Variants in PIGU observed in about 807,000 individuals in gnomAD.
The protein encoded by PIGU is GPI-anchor transamidase component PIGU.
PIGU carries 24 observed loss-of-function variants against 49.9 expected under a neutral mutation model. The ratio of observed to expected loss-of-function variants is 0.48; its 90% CI spans 0.35 to 0.68. PIGU has a LOEUF of 0.68. Among genes scored for constraint, PIGU ranks in the 30% least tolerant of loss-of-function variants. The probability of loss-of-function intolerance (pLI) is 0.01; values close to 1 mark genes in which losing one functional copy is unlikely to be tolerated. For synonymous variants in PIGU, 220 were observed against 205.7 expected (o/e 1.07, Z -0.59); for missense variants, 490 against 532.6 (o/e 0.92, Z 0.79).
At chr20:34,659,769 C>G (rs1986872431) in intron 1 of PIGU, among the ~76,000 whole-genome samples, 1 of 152,178 alleles carries the variant, frequency 6.6e-6, no homozygotes, top group African/African-American at 2.4e-5. Context: ...CCCATGCTCT[C>G]TGAAACATGT....
In PIGU at chr20:34,657,270, C is replaced by T. The variant is rs777634029; in HGVS notation, c.131-26G>A. 2.5e-6 allele frequency: 4 copies of T among 1,586,500 alleles called. No individual in the cohort carries two copies. The Admixed American group carries it at 6.7e-5, about 27-fold the overall frequency. On this transcript the variant is annotated intron_variant, in intron 1 of 11. Coordinates refer to ENST00000217446, the MANE Select transcript of PIGU (RefSeq NM_080476.5). ...CTGAAAAATTAGATATACAAGTTCA[C>T]TCAGACTAAGCAGGCAGCTACAGAC...
At position 34,560,878 on chromosome 20, in the gene PIGU, G is replaced by A. The variant is rs368860915; in HGVS notation, c.1296C>T (p.Leu432=). The part of the protein sequence containing the change: ...LTAKDGTEAM[L]VLK ...GTGCCAGCCAGGCCTACTTGAGCAC[G>A]AGCATGGCCTCTGTGCCATCCTTGG... Residue 432 remains leucine, a synonymous_variant, in exon 12 of 12, where the codon CTC becomes CTT. Coordinates refer to ENST00000217446, the MANE Select transcript of PIGU (RefSeq NM_080476.5). The A allele has an allele frequency of 1.2e-5, 19 of 1,606,868 alleles. No individual in the cohort carries two copies. Among genetic ancestry groups the A allele is most frequent in the Middle Eastern group, 1.7e-4 (1 of 6,038 alleles).
At chr20:34,576,216 A>T (rs1417614058) in intron 10 of PIGU, among the ~76,000 whole-genome samples, 1 of 152,158 alleles carries the variant, frequency 6.6e-6, no homozygotes, top group Non-Finnish European at 1.5e-5. Context: ...CTCTAAAAAA[A>T]TTTTAAAATT....
chr20:34,589,647 G>A (rs937244083), intron 7 of PIGU, among the ~76,000 whole-genome samples: 1 of 127,540 alleles, frequency 7.8e-6, no homozygotes, highest in Non-Finnish European at 1.6e-5. Context: ...CACTGCACCT[G>A]GCTTTTTTTT....
chr20:34,599,108 G>A (rs1984310142), intron 7 of PIGU, among the ~76,000 whole-genome samples: 1 of 152,056 alleles, frequency 6.6e-6, no homozygotes, highest in Admixed American at 6.6e-5. Context: ...TTTCACTAAT[G>A]AGCGCCTACT....
At chr20:34,569,608 G>A (rs1982921945) in intron 11 of PIGU, among the ~76,000 whole-genome samples, 1 of 152,158 alleles carries the variant, frequency 6.6e-6, no homozygotes. Context: ...GCAGGAGTGG[G>A]GCTCTCAGGC....
chr20:34,581,730 G>A (rs1381997433), intron 9 of PIGU, 58 bp from the exon 10 acceptor site: 21 of 1,581,294 alleles, frequency 1.3e-5, no homozygotes, highest in Non-Finnish European at 1.8e-5. Context: ...GCCTACCCTA[G>A]AGACTCCTGA....
Position 34,600,073 on chromosome 20 carries a change from A to T in PIGU, c.628-11466T>A, listed in dbSNP as rs566412809. On this transcript the variant is annotated intron_variant, in intron 7 of 11. Coordinates refer to ENST00000217446, the MANE Select transcript of PIGU (RefSeq NM_080476.5). ...GTTCTACTGATACCGCTGATCTAGA[A>T]GAATAAAGTTTCAAGAGAATGATAA... Among the ~76,000 whole-genome samples the T allele has an allele frequency of 3.3e-5, 5 of 152,316 alleles. No individual in the cohort carries two copies. The South Asian group carries it at 1.0e-3, about 32-fold the overall frequency.
At chr20:34,598,812 C>T (rs1296532058) in intron 7 of PIGU, among the ~76,000 whole-genome samples, 2 of 152,216 alleles carry the variant, frequency 1.3e-5, no homozygotes, top group Admixed American at 6.5e-5. Context: ...GAAGAAGTTA[C>T]AGGCCCTGCT....
intron 7 of PIGU, among the ~76,000 whole-genome samples, chr20:34,608,618 G>A (rs1225076471): frequency 6.6e-6 from 1 of 151,386 alleles, no homozygotes; most frequent in African/African-American, 2.4e-5. Flanking sequence ...GCCTACAGAG[G>A]GCTTGAAAAA....
At chr20:34,628,423 A>C (rs935227850) in intron 6 of PIGU, among the ~76,000 whole-genome samples, 1 of 152,236 alleles carries the variant, frequency 6.6e-6, no homozygotes. Context: ...TATGAGTGCA[A>C]AAATTGCTGT....
chr20:34,661,185 T>C (rs1351330457), intron 1 of PIGU, among the ~76,000 whole-genome samples: 2 of 152,164 alleles, frequency 1.3e-5, no homozygotes, highest in African/African-American at 4.8e-5. Flanking sequence ...ATTTTAGCAA[T>C]TTCTCTTGGC....
chr20:34,645,394 C>A, intron 2 of PIGU, 60 bp from the exon 3 acceptor site: 1 of 1,494,932 alleles, frequency 6.7e-7, no homozygotes, highest in South Asian at 1.4e-5. Flanking sequence ...TTATCAGTTT[C>A]CAGAGTAGAG....
intron 4 of PIGU, among the ~76,000 whole-genome samples, chr20:34,641,039 G>A (rs191517913): frequency 6.8e-4 from 104 of 152,132 alleles, no homozygotes; most frequent in South Asian, 6.2e-3. Flanking sequence ...GATTACAGGC[G>A]CCCACCACCG....
intron 7 of PIGU, among the ~76,000 whole-genome samples, chr20:34,598,273 C>A (rs1036633316): frequency 1.3e-5 from 2 of 152,006 alleles, no homozygotes; most frequent in Admixed American, 6.6e-5. Flanking sequence ...GGGTATGGGA[C>A]CTGAGGTGGG....
chr20:34,566,104 A>G (rs895249769), intron 11 of PIGU, among the ~76,000 whole-genome samples: 5 of 152,264 alleles, frequency 3.3e-5, no homozygotes, highest in South Asian at 2.1e-4. Context: ...ACACACACAT[A>G]CACGCACGCT....
chr20:34,625,650 C>T (rs925944702), intron 6 of PIGU, among the ~76,000 whole-genome samples: 4 of 148,122 alleles, frequency 2.7e-5, no homozygotes, highest in Non-Finnish European at 4.5e-5. Context: ...TACAAAAAAC[C>T]TTTAAAATTC....
At chr20:34,674,653 G>A (rs905379039) in intron 1 of PIGU, among the ~76,000 whole-genome samples, 1 of 152,120 alleles carries the variant, frequency 6.6e-6, no homozygotes, top group African/African-American at 2.4e-5. Context: ...AAGGCCAGGT[G>A]TGGTAGCTTA....
intron 7 of PIGU, among the ~76,000 whole-genome samples, chr20:34,596,622 T>TA (rs576181977): frequency 6.6e-6 from 1 of 152,026 alleles, no homozygotes; most frequent in Non-Finnish European, 1.5e-5. Flanking sequence ...CATGGTTGGT[T>TA]AAAAAAATAA....
Sources: allele counts gnomAD v4.1 joint callset (sites outside exome capture counted in the v4.1 genomes callset), GRCh38; gene constraint gnomAD v4.1.1; transcripts MANE v1.5; gene names NCBI Gene and HGNC (gene_info 2026-07-23, HGNC 2026-07-21).